The following CCDC178 variants were observed in gnomAD, a reference collection of about 807,000 sequenced individuals.
The protein encoded by CCDC178 is coiled-coil domain containing 178, also known as coiled-coil domain-containing protein 178.
CCDC178 carries 126 observed loss-of-function variants against 117.4 expected under a neutral mutation model. The observed-to-expected ratio is 1.07, with a 90% CI of 0.93 to 1.24. The LOEUF is 1.24. CCDC178 is among the 50% of genes most tolerant of loss of function. The pLI is 0.00. For missense variants in CCDC178, 1,030 were observed against 986.9 expected, an observed-to-expected ratio of 1.04 and a Z score of -0.59; for synonymous variants, 283 against 313.4, an observed-to-expected ratio of 0.90 and a Z score of 1.02.
chr18:33,375,566 A>G (rs943687310), intron 5 of CCDC178, among the ~76,000 whole-genome samples: 2 of 152,194 alleles, frequency 1.3e-5, no homozygotes, highest in Admixed American at 6.5e-5. Flanking sequence ...TGAGAAGTTG[A>G]TATACCACAA....
chr18:33,191,808 G>A (rs1436393795), intron 20 of CCDC178, among the ~76,000 whole-genome samples: 4 of 152,028 alleles, frequency 2.6e-5, no homozygotes, highest in African/African-American at 7.2e-5. Flanking sequence ...CAAATTCCAT[G>A]GTCAGGACAA....
chr18:33,074,081 A>G (rs1795797616), intron 21 of CCDC178, among the ~76,000 whole-genome samples: 2 of 152,222 alleles, frequency 1.3e-5, no homozygotes, highest in South Asian at 2.1e-4. Flanking sequence ...AATGAGGAAG[A>G]GACTGGATTA....
intron 20 of CCDC178, among the ~76,000 whole-genome samples, chr18:33,124,606 A>T (rs1314190542): frequency 6.6e-6 from 1 of 152,094 alleles, no homozygotes; most frequent in African/African-American, 2.4e-5. Flanking sequence ...CTCTACTTTC[A>T]GATATATAAA....
chr18:33,121,838 T>C (rs1263078169), intron 20 of CCDC178, among the ~76,000 whole-genome samples: 3 of 152,110 alleles, frequency 2.0e-5, no homozygotes, highest in Non-Finnish European at 4.4e-5. Context: ...AATGACACAC[T>C]GTGGGTAGGT....
At chr18:33,436,325 T>C (rs902538150) in intron 2 of CCDC178, among the ~76,000 whole-genome samples, 10 of 152,110 alleles carry the variant, frequency 6.6e-5, no homozygotes, top group African/African-American at 2.4e-4. Flanking sequence ...AGAGTTTAGG[T>C]AACAAGATGT....
chr18:33,333,698 G>A (rs1241817512), intron 9 of CCDC178, among the ~76,000 whole-genome samples: 2 of 151,718 alleles, frequency 1.3e-5, no homozygotes, highest in East Asian at 3.9e-4. Context: ...TTTTAGTAGA[G>A]ATGGGGTTTC....
chr18:33,402,944 C>T (rs1164601038), intron 3 of CCDC178, among the ~76,000 whole-genome samples: 1 of 152,202 alleles, frequency 6.6e-6, no homozygotes, highest in African/African-American at 2.4e-5. Flanking sequence ...AGAGCCTAGA[C>T]TTGTAGATTT....
chr18:33,023,634 A>G (rs1179140304), intron 21 of CCDC178, among the ~76,000 whole-genome samples: 3 of 152,174 alleles, frequency 2.0e-5, no homozygotes, highest in Non-Finnish European at 4.4e-5. Context: ...AAGCTACCAA[A>G]TCAGCAATCT....
chr18:33,247,573 G>T (rs1489052292), intron 14 of CCDC178, among the ~76,000 whole-genome samples: 1 of 151,754 alleles, frequency 6.6e-6, no homozygotes, highest in Non-Finnish European at 1.5e-5. Flanking sequence ...AAAAATATGG[G>T]GTGTGTGTGC....
At chr18:33,117,576 G>C (rs1297487881) in intron 20 of CCDC178, among the ~76,000 whole-genome samples, 1 of 152,012 alleles carries the variant, frequency 6.6e-6, no homozygotes, top group Non-Finnish European at 1.5e-5. Context: ...GTCGTGGGGT[G>C]GGGGGAGCGG....
Position 33,126,873 on chromosome 18 carries a change from C to A in CCDC178, c.2239-33963G>T, listed in dbSNP as rs1793610801. ...GGTTTTCTGCATTTGGCCAGCTTAG[C>A]CTCCAACTCCTGACCTCAGATGATC... is the stretch of plus-strand genomic sequence containing the variant. On this transcript the variant is annotated intron_variant, in intron 20 of 22. Coordinates refer to ENST00000383096, the MANE Select transcript of CCDC178 (RefSeq NM_001105528.4). 2.6e-5 allele frequency among the ~76,000 whole-genome samples: 4 copies of A among 151,296 alleles called. No homozygotes were observed. The South Asian group carries it at 8.3e-4, about 32-fold the overall frequency.
chr18:33,358,291 A>T (rs551846751), intron 6 of CCDC178, among the ~76,000 whole-genome samples: 1 of 152,100 alleles, frequency 6.6e-6, no homozygotes, highest in South Asian at 2.1e-4. Context: ...TTTTCATATA[A>T]TATGACAAGC....
At chr18:33,029,928 G>C (rs76788542) in intron 21 of CCDC178, among the ~76,000 whole-genome samples, 5,292 of 152,002 alleles carry the variant, frequency 0.035, 150 homozygotes, top group East Asian at 0.081. Context: ...ATATGCTCTT[G>C]AGAAGAATAT....
chr18:33,295,469 T>G (rs2062095153), intron 11 of CCDC178, among the ~76,000 whole-genome samples: 1 of 152,122 alleles, frequency 6.6e-6, no homozygotes, highest in South Asian at 2.1e-4. Flanking sequence ...TAAGAACTTC[T>G]GCATTGTAAA....
At chr18:32,948,783 AG>A (rs1384244122) in intron 22 of CCDC178, among the ~76,000 whole-genome samples, 1 of 152,102 alleles carries the variant, frequency 6.6e-6, no homozygotes, top group African/African-American at 2.4e-5. Flanking sequence ...TGTCATTTAA[AG>A]GTGTTTTAAA....
chr18:33,031,903 A>C (rs2056351222), intron 21 of CCDC178, among the ~76,000 whole-genome samples: 1 of 152,174 alleles, frequency 6.6e-6, no homozygotes, highest in Non-Finnish European at 1.5e-5. Context: ...ATGAGAATAA[A>C]TACTATCTAG....
At chr18:33,259,696 A>C (rs2059719671) in intron 14 of CCDC178, among the ~76,000 whole-genome samples, 2 of 152,116 alleles carry the variant, frequency 1.3e-5, no homozygotes, top group Non-Finnish European at 2.9e-5. Flanking sequence ...ATTCAAGACG[A>C]GATTTGGGTG....
chr18:33,189,151 G>A (rs185450813), intron 20 of CCDC178, among the ~76,000 whole-genome samples: 73 of 152,236 alleles, frequency 4.8e-4, no homozygotes, highest in Non-Finnish European at 9.3e-4. Context: ...CCCATGACCT[G>A]TGATGAAAGT....
At chr18:33,269,054 G>A (rs927687878) in intron 12 of CCDC178, among the ~76,000 whole-genome samples, 6 of 151,654 alleles carry the variant, frequency 4.0e-5, no homozygotes, top group Non-Finnish European at 5.9e-5. Context: ...TCAAAGCCTC[G>A]TTCTCAAAAA....
Sources: allele counts gnomAD v4.1 joint callset (sites outside exome capture counted in the v4.1 genomes callset), GRCh38; gene constraint gnomAD v4.1.1; transcripts MANE v1.5; gene names NCBI Gene and HGNC (gene_info 2026-07-23, HGNC 2026-07-21).